Variants in LAMTOR4 observed in about 807,000 individuals in gnomAD.
LAMTOR4 encodes the protein late endosomal/lysosomal adaptor, MAPK and MTOR activator 4.
Under a neutral mutation model 13.5 loss-of-function variants are expected in LAMTOR4, and 11 were observed. The observed-to-expected ratio is 0.82, with a 90% CI of 0.51 to 1.35. The LOEUF (loss-of-function observed/expected upper bound fraction) is 1.35. LAMTOR4 is among the 40% of genes most tolerant of loss of function. The pLI, the probability that LAMTOR4 is intolerant of heterozygous loss-of-function variation, is 0.00. For missense variants in LAMTOR4, 128 were observed against 126.2 expected, an observed-to-expected ratio of 1.01 and a Z score of -0.07; for synonymous variants, 69 against 52.3, an observed-to-expected ratio of 1.32 and a Z score of -1.38.
At chr7:100,153,357 G>C (rs768158658) in intron 2 of LAMTOR4, 43 bp from the exon 3 acceptor site, 1 of 1,371,248 alleles carries the variant, frequency 7.3e-7, no homozygotes. Context: ...TCCTGAGCCT[G>C]TGCCGTAATG....
In LAMTOR4 at chr7:100,153,854, GTC is replaced by G; in HGVS notation, c.203-8_203-7del. On this transcript the variant is annotated splice_polypyrimidine_tract_variant and intron_variant, in intron 3 of 3. Transcript: ENST00000341942. Reference sequence around the variant, plus strand: ...CCTCTCCTGGGGCGGGGGAAGGTGTGTCTCTCCTCCAGTGGTCTTTGGAGAAC... The same window carrying G: ...CCTCTCCTGGGGCGGGGGAAGGTGTGTCTCCTCCAGTGGTCTTTGGAGAAC... The G allele has an allele frequency of 1.3e-6, 2 of 1,550,756 alleles. No individual in the cohort carries two copies. The highest frequency in any genetic ancestry group is 2.4e-5 in the South Asian group (2 of 84,726).
chr7:100,151,809 G>A (rs1691112476), intron 2 of LAMTOR4, among the ~76,000 whole-genome samples: 1 of 149,516 alleles, frequency 6.7e-6, no homozygotes, highest in Non-Finnish European at 1.5e-5. Flanking sequence ...CAATCCTCCC[G>A]CCTCAGCATC....
intron 3 of LAMTOR4, 41 bp downstream of exon 3, chr7:100,153,558 G>C (rs201730556): frequency 4.6e-6 from 7 of 1,530,640 alleles, no homozygotes; most frequent in East Asian, 4.5e-5. Flanking sequence ...TACTGGGAGC[G>C]GGGGGCTACT....
At chr7:100,153,841 C>A in intron 3 of LAMTOR4, 26 bp from the exon 4 acceptor site, 2 of 1,474,712 alleles carry the variant, frequency 1.4e-6, no homozygotes, top group South Asian at 1.2e-5. Flanking sequence ...TCTCCTGGGG[C>A]GGGGGAAGGT....
chr7:100,150,063 C>T (rs1798654433), intron 2 of LAMTOR4, among the ~76,000 whole-genome samples: 2 of 152,240 alleles, frequency 1.3e-5, no homozygotes, highest in Non-Finnish European at 2.9e-5. Flanking sequence ...AGGCGTGAGC[C>T]AACATGCCTG....
At chr7:100,152,190 A>G (rs1242918931) in intron 2 of LAMTOR4, among the ~76,000 whole-genome samples, 6 of 152,146 alleles carry the variant, frequency 3.9e-5, no homozygotes, top group Admixed American at 3.3e-4. Context: ...TGGGTGGATC[A>G]CTTGAGGTTG....
chr7:100,153,482 A>G lies in LAMTOR4; in HGVS notation c.167A>G (p.His56Arg), dbSNP rs773088960. The G allele has an allele frequency of 1.2e-6, 2 of 1,609,246 alleles. No individual in the cohort carries two copies. The highest frequency in any genetic ancestry group is 1.7e-6 in the Non-Finnish European group (2 of 1,179,998). Residue 56 changes from histidine (H) to arginine (R), a missense_variant, in exon 3 of 4, where the codon CAC becomes CGC. His to Arg is a conservative substitution (Grantham distance 29). Coordinates refer to ENST00000341942, the MANE Select transcript of LAMTOR4 (RefSeq NM_001008395.4). ...LVSTACGFRL[H>R]RGMNVPFKRL... ...AGCACAGCCTGCGGTTTCCGGCTGCACCGCGGCATGAATGTGCCCTTCAAG... is the reference window on the plus strand; with the variant it reads ...AGCACAGCCTGCGGTTTCCGGCTGCGCCGCGGCATGAATGTGCCCTTCAAG...
intron 2 of LAMTOR4, chr7:100,149,951 A>G (rs941859784): frequency 6.1e-6 from 1 of 163,528 alleles, no homozygotes; most frequent in African/African-American, 2.4e-5. Context: ...AATTTTTTGT[A>G]TTTTTAGTAG....
rs780363193 is a variant in LAMTOR4, at chr7:100,148,988, G to A, written c.3+13G>A. 5.6e-6 allele frequency: 9 copies of A among 1,609,374 alleles called. No individual in the cohort carries two copies. Among genetic ancestry groups the A allele is most frequent in the Admixed American group, 1.7e-5 (1 of 59,652 alleles). On this transcript the variant is annotated intron_variant, in intron 1 of 3. Transcript: ENST00000341942. ...GAAGACTGCGATGGTGAGTGAGGAC[G>A]CATGCGCGAGAGGACCCGCCGGGGG...
rs750209429 is a variant in LAMTOR4, at chr7:100,149,519, G to C, written c.24G>C (p.Gly8=). 3 of 1,613,636 alleles carry C rather than the reference G, an allele frequency of 1.9e-6. No homozygotes were observed. The highest frequency in any genetic ancestry group is 8.5e-7 in the Non-Finnish European group (1 of 1,179,716). ...ACTAGACTTCTGCGCTGACCCAGGG[G>C]CTGGAGCGAATCCCAGACCAGCTCG... The part of the protein sequence containing the change: MTSALTQ[G]LERIPDQLGY... Residue 8 remains glycine, a synonymous_variant, in exon 2 of 4, where the codon GGG becomes GGC. Transcript: ENST00000341942.
intron 2 of LAMTOR4, chr7:100,150,034 C>G (rs189828209): frequency 6.2e-6 from 1 of 160,640 alleles, no homozygotes; most frequent in East Asian, 1.8e-4. Flanking sequence ...GCCTCAGCCT[C>G]CCAAAGTGCT....
At chr7:100,149,296 G>A (rs1186828689) in intron 1 of LAMTOR4, 7 of 623,116 alleles carry the variant, frequency 1.1e-5, no homozygotes, top group South Asian at 7.6e-5. Flanking sequence ...GGGGAGCCCG[G>A]GGGCGAGAGT....
chr7:100,153,713 C>T, intron 3 of LAMTOR4, 154 bp from the exon 4 acceptor site: 1 of 748,294 alleles, frequency 1.3e-6, no homozygotes, highest in Non-Finnish European at 2.4e-6. Context: ...AGAGGCCACT[C>T]ATCTTCAAAT....
At chr7:100,153,658 G>T (rs3736590) in intron 3 of LAMTOR4, 141 bp downstream of exon 3, 442,834 of 801,670 alleles carry the variant, frequency 0.55, 123,505 homozygotes, top group Middle Eastern at 0.62. Flanking sequence ...GGGACTCCCT[G>T]GTATCAGAAT....
At chr7:100,153,033 G>T (rs552558696) in intron 2 of LAMTOR4, among the ~76,000 whole-genome samples, 1 of 151,990 alleles carries the variant, frequency 6.6e-6, no homozygotes, top group African/African-American at 2.4e-5. Context: ...GCTGGTACGT[G>T]CCTGTAATCT....
In LAMTOR4 at chr7:100,153,482, A is replaced by T; in HGVS notation, c.167A>T (p.His56Leu). 2 of 1,609,246 alleles carry T rather than the reference A, an allele frequency of 1.2e-6. No individual in the cohort carries two copies. The highest frequency in any genetic ancestry group is 2.7e-5 in the African/African-American group (2 of 75,038). Residue 56 changes from histidine (H) to leucine (L), a missense_variant, in exon 3 of 4, where the codon CAC (histidine) becomes CTC (leucine). His to Leu is a moderately conservative substitution (Grantham distance 99, BLOSUM62 -3). Coordinates refer to ENST00000341942, the MANE Select transcript of LAMTOR4 (RefSeq NM_001008395.4). ...LVSTACGFRL[H>L]RGMNVPFKRL... ...AGCACAGCCTGCGGTTTCCGGCTGC[A>T]CCGCGGCATGAATGTGCCCTTCAAG...
chr7:100,153,734 G>A (rs1477601172), intron 3 of LAMTOR4, 133 bp from the exon 4 acceptor site: 1 of 774,192 alleles, frequency 1.3e-6, no homozygotes, highest in Non-Finnish European at 2.3e-6. Context: ...CTCTGAGCCT[G>A]GAACTATAGA....
At chr7:100,151,748 T>TA (rs1798711026) in intron 2 of LAMTOR4, among the ~76,000 whole-genome samples, 2 of 150,950 alleles carry the variant, frequency 1.3e-5, no homozygotes, top group South Asian at 2.1e-4. Context: ...CAGGCTGGAG[T>TA]GCAGTGGTAA....
Position 100,154,118 on chromosome 7 carries a change from C to G in LAMTOR4, c.*154C>G. ...CTGGACGGGCCCAGGCTTGGGGACTCTGAGCTGTGTTAAGGAGAACAAGGG... is the reference window on the plus strand; with the variant it reads ...CTGGACGGGCCCAGGCTTGGGGACTGTGAGCTGTGTTAAGGAGAACAAGGG... On this transcript the variant is annotated 3_prime_UTR_variant, in exon 4 of 4. Coordinates refer to ENST00000341942, the MANE Select transcript of LAMTOR4 (RefSeq NM_001008395.4). The G allele has an allele frequency of 1.6e-6, 1 of 644,682 alleles. No individual in the cohort carries two copies. The highest frequency in any genetic ancestry group is 2.8e-6 in the Non-Finnish European group (1 of 355,766). 39.9% of individuals were successfully genotyped at this position (644,682 alleles called of 1,614,324 possible).
Sources: gnomAD v4.1 joint callset for allele counts (sites outside exome capture counted in the v4.1 genomes callset) on GRCh38, gnomAD v4.1.1 for gene constraint, MANE v1.5 for transcripts, NCBI Gene and HGNC (gene_info 2026-07-23, HGNC 2026-07-21) for gene names.